Variants in MGAT4D observed in about 807,000 individuals in gnomAD.
The protein encoded by MGAT4D is alpha-1,3-mannosyl-glycoprotein 4-beta-N-acetylglucosaminyltransferase-like protein MGAT4D.
Under a neutral mutation model 15.9 loss-of-function variants are expected in MGAT4D, and 34 were observed. The observed-to-expected ratio is 2.14, with a 90% CI of 1.62 to 2.84. The LOEUF is 2.84. Ranked by LOEUF, MGAT4D falls within the 30% of genes most tolerant of loss-of-function variation. The probability of loss-of-function intolerance (pLI) is 0.00; values close to 1 mark genes in which losing one functional copy is unlikely to be tolerated. For missense variants in MGAT4D, 327 were observed against 140.2 expected, an observed-to-expected ratio of 2.33 and a Z score of -6.73; for synonymous variants, 112 against 48.2, an observed-to-expected ratio of 2.33 and a Z score of -5.49.
At chr4:140,478,946 C>T (rs1732518304) in intron 3 of MGAT4D, among the ~76,000 whole-genome samples, 1 of 152,016 alleles carries the variant, frequency 6.6e-6, no homozygotes, top group Non-Finnish European at 1.5e-5. Context: ...AGCCAATGGG[C>T]CTGGCCTAGA....
chr4:140,467,585 G>A (rs993770479), intron 5 of MGAT4D, among the ~76,000 whole-genome samples: 2 of 152,060 alleles, frequency 1.3e-5, no homozygotes, highest in Non-Finnish European at 2.9e-5. Flanking sequence ...TTTTAAGCAA[G>A]ATACTTGAAA....
intron 9 of MGAT4D, among the ~76,000 whole-genome samples, chr4:140,455,622 C>T (rs962902175): frequency 1.3e-5 from 2 of 152,110 alleles, no homozygotes; most frequent in Non-Finnish European, 2.9e-5. Flanking sequence ...TGCTGGGTTT[C>T]TGCCTATCAG....
chr4:140,454,258 T>C (rs1730655964), intron 9 of MGAT4D, among the ~76,000 whole-genome samples: 1 of 152,198 alleles, frequency 6.6e-6, no homozygotes, highest in Admixed American at 6.5e-5. Flanking sequence ...CTAGATGCTC[T>C]TTAACATGTC....
At chr4:140,495,779 C>G (rs894574355) in intron 1 of MGAT4D, among the ~76,000 whole-genome samples, 1 of 152,112 alleles carries the variant, frequency 6.6e-6, no homozygotes, top group African/African-American at 2.4e-5. Flanking sequence ...CTCTGTCACC[C>G]AGGCTGAAGG....
intron 4 of MGAT4D, among the ~76,000 whole-genome samples, chr4:140,473,774 T>A (rs1732131881): frequency 6.6e-6 from 1 of 152,104 alleles, no homozygotes; most frequent in African/African-American, 2.4e-5. Context: ...TCATGGCTCA[T>A]TACAGGCTCT....
Position 140,474,950 on chromosome 4 carries a change from TG to T in MGAT4D, c.392-5del. The T allele has an allele frequency of 1.5e-6, 1 of 671,064 alleles. No individual in the cohort carries two copies. The allele number at this position is 671,064 out of a possible 1,614,324, so 41.6% of individuals were successfully genotyped here. A position where few individuals can be genotyped will look rare whatever the true frequency, so the allele number is the denominator to read the frequency against. On this transcript the variant is annotated splice_polypyrimidine_tract_variant and splice_region_variant and intron_variant, in intron 3 of 10. Coordinates refer to ENST00000511113, the MANE Select transcript of MGAT4D (RefSeq NM_001277353.2). ...GAAATACCCAGCGCAAAAGAAACTGTGGACATAGGAGTATGAAATCATCATT... is the reference window on the plus strand; with the variant it reads ...GAAATACCCAGCGCAAAAGAAACTGTGACATAGGAGTATGAAATCATCATT...
At chr4:140,474,194 T>C (rs567664059) in intron 4 of MGAT4D, among the ~76,000 whole-genome samples, 3 of 152,296 alleles carry the variant, frequency 2.0e-5, no homozygotes, top group East Asian at 1.9e-4. Context: ...GTGGAAATCT[T>C]TGGGGTCATT....
Position 140,482,407 on chromosome 4 carries a change from T to C in MGAT4D, c.173A>G (p.Lys58Arg), listed in dbSNP as rs1415875885. 1.5e-6 allele frequency: 1 copy of C among 653,208 alleles called. No homozygotes were observed. Among genetic ancestry groups the C allele is most frequent in the Non-Finnish European group, 2.7e-6 (1 of 366,506 alleles). The allele number at this position is 653,208 out of a possible 1,614,324, so 40.5% of individuals were successfully genotyped here. Residue 58 changes from lysine (K) to arginine (R), a missense_variant, in exon 2 of 11, where the codon AAA becomes AGA. Physicochemically the swap from Lys to Arg is conservative, Grantham distance 26 (BLOSUM62 2). Transcript: ENST00000511113. ...NMLHLRNKTE[K>R]NTQEMMKVLN... The stretch of plus-strand genomic sequence containing the variant: ...AACTTTCATCATCTCTTGGGTATTT[T>C]TTTCAGTTTTGTTTCTTAAGTGTAG...
In MGAT4D at chr4:140,457,859, T is replaced by C. The variant is rs1345453689; in HGVS notation, c.878-1140A>G. 3 of 152,208 alleles carry C rather than the reference T, an allele frequency of 2.0e-5. No homozygotes were observed. In the East Asian group the frequency reaches 5.8e-4, roughly 29 times the overall value. The allele number at this position is 152,208 out of a possible 1,614,324, so 9.4% of individuals were successfully genotyped here. On this transcript the variant is annotated intron_variant, in intron 8 of 10. Coordinates refer to ENST00000511113, the MANE Select transcript of MGAT4D (RefSeq NM_001277353.2). Reference sequence around the variant, plus strand: ...GTATTACTGTTAACAATAATTTTCCTTCTTATTTTAACCAAGGCTGAGGAA... The same window carrying C: ...GTATTACTGTTAACAATAATTTTCCCTCTTATTTTAACCAAGGCTGAGGAA...
chr4:140,491,097 G>A (rs1386251573), intron 1 of MGAT4D, among the ~76,000 whole-genome samples: 3 of 152,064 alleles, frequency 2.0e-5, no homozygotes, highest in Non-Finnish European at 4.4e-5. Context: ...TGTAATTGCT[G>A]GCATACACTG....
chr4:140,486,537 G>C, intron 1 of MGAT4D, among the ~76,000 whole-genome samples: 1 of 151,864 alleles, frequency 6.6e-6, no homozygotes, highest in Non-Finnish European at 1.5e-5. Flanking sequence ...TCCCCTCCCT[G>C]TGTCCATGTG....
intron 2 of MGAT4D, among the ~76,000 whole-genome samples, chr4:140,480,700 G>C (rs1003478801): frequency 6.7e-6 from 1 of 150,046 alleles, no homozygotes; most frequent in African/African-American, 2.5e-5. Flanking sequence ...AGAACAGCAT[G>C]AGCAATATAG....
chr4:140,474,367 G>A (rs1732174219), intron 4 of MGAT4D, among the ~76,000 whole-genome samples: 1 of 152,126 alleles, frequency 6.6e-6, no homozygotes, highest in South Asian at 2.1e-4. Context: ...AATCTCTCAA[G>A]CATAAGAAAG....
chr4:140,445,105 G>C (rs140128237), intron 10 of MGAT4D, among the ~76,000 whole-genome samples: 7,797 of 151,934 alleles, frequency 0.051, 650 homozygotes, highest in African/African-American at 0.18. Flanking sequence ...GGCTGGTCTC[G>C]AACTCCTGAC....
At chr4:140,460,449 AT>A (rs1731100716) in intron 7 of MGAT4D, among the ~76,000 whole-genome samples, 1 of 152,168 alleles carries the variant, frequency 6.6e-6, no homozygotes, top group Non-Finnish European at 1.5e-5. Flanking sequence ...CACGAATCCC[AT>A]TTATGAGGCT....
At chr4:140,487,949 C>CA (rs1438260013) in intron 1 of MGAT4D, among the ~76,000 whole-genome samples, 1 of 152,150 alleles carries the variant, frequency 6.6e-6, no homozygotes, top group East Asian at 1.9e-4. Context: ...TGCAGACAAT[C>CA]AGATTGTGCA....
Position 140,482,352 on chromosome 4 carries a change from C to A in MGAT4D, c.228G>T (p.Lys76Asn). 1 of 632,386 alleles carries A rather than the reference C, an allele frequency of 1.6e-6. No individual in the cohort carries two copies. Among genetic ancestry groups the A allele is most frequent in the Non-Finnish European group, 2.8e-6 (1 of 359,600 alleles). The allele number at this position is 632,386 out of a possible 1,614,324, so 39.2% of individuals were successfully genotyped here. The change falls in exon 2 of 11, where the codon AAG (lysine) becomes AAT (asparagine). Residue 76 changes from lysine to asparagine, a missense_variant. Physicochemically the swap from Lys to Asn is moderately conservative, Grantham distance 94. Coordinates refer to ENST00000511113, the MANE Select transcript of MGAT4D (RefSeq NM_001277353.2). ...CTAAGTTTCCTGACAAAATTTCTCT[C>A]TTTGTAATTTCATACTTCATTCGAT... ...VLNRMKYEIT[K>N]REILSGNLVA... is the part of the protein sequence containing the mutation.
intron 1 of MGAT4D, among the ~76,000 whole-genome samples, chr4:140,492,493 T>G (rs1472032566): frequency 1.3e-5 from 2 of 152,092 alleles, no homozygotes; most frequent in Non-Finnish European, 2.9e-5. Context: ...CTGGGAGTGG[T>G]GGCACGCGCC....
chr4:140,460,376 T>G (rs66785231), intron 7 of MGAT4D, among the ~76,000 whole-genome samples: 29,403 of 152,100 alleles, frequency 0.19, 2,916 homozygotes, highest in South Asian at 0.27. Context: ...ATAGATGATG[T>G]CTTCCACTGT....
Sources: gnomAD v4.1 joint callset for allele counts (sites outside exome capture counted in the v4.1 genomes callset) on GRCh38, gnomAD v4.1.1 for gene constraint, MANE v1.5 for transcripts, NCBI Gene and HGNC (gene_info 2026-07-23, HGNC 2026-07-21) for gene names.